The following PELI2 variants were observed in gnomAD, a reference collection of about 807,000 sequenced individuals.
PELI2 encodes pellino E3 ubiquitin protein ligase family member 2.
Under a neutral mutation model 42.3 loss-of-function variants are expected in PELI2, and 23 were observed. The ratio of observed to expected loss-of-function variants is 0.54; its 90% CI spans 0.39 to 0.77. PELI2 has a LOEUF of 0.77. PELI2 is among the 30% of genes least tolerant of loss of function. PELI2 has a pLI of 0.00. For synonymous variants in PELI2, 245 were observed against 212.2 expected (o/e 1.15, Z -1.34); for missense variants, 463 against 553.2 (o/e 0.84, Z 1.64).
At chr14:56,275,132 T>C in intron 2 of PELI2, among the ~76,000 whole-genome samples, 1 of 152,142 alleles carries the variant, frequency 6.6e-6, no homozygotes, top group Non-Finnish European at 1.5e-5. Context: ...CTGTTGATGC[T>C]GGGGTGGAAA....
chr14:56,233,123 G>C (rs1349383988), intron 2 of PELI2, among the ~76,000 whole-genome samples: 2 of 152,112 alleles, frequency 1.3e-5, no homozygotes, highest in Non-Finnish European at 2.9e-5. Flanking sequence ...ACAAATGGAA[G>C]AACATTCCAT....
chr14:56,217,978 C>T (rs530160104), intron 2 of PELI2, among the ~76,000 whole-genome samples: 47 of 152,334 alleles, frequency 3.1e-4, no homozygotes, highest in African/African-American at 1.1e-3. Flanking sequence ...CATAGGACCT[C>T]CTGTAATTCC....
In PELI2 at chr14:56,194,242, T is replaced by G. The variant is rs114715942; in HGVS notation, c.207+15778T>G. Among the ~76,000 whole-genome samples, 960 of 152,298 alleles carry G rather than the reference T, an allele frequency of 6.3e-3. 9 individuals are homozygous for G. The highest frequency in any genetic ancestry group is 0.022 in the African/African-American group (928 of 41,558). On this transcript the variant is annotated intron_variant, in intron 2 of 5. Transcript: ENST00000267460. ...CCTGGCATGTGTCTGCCTCTCTCCC[T>G]GCAGGCTCAGGTGCCCCTGTTCCTG...
intron 3 of PELI2, among the ~76,000 whole-genome samples, chr14:56,285,365 T>C (rs1385770227): frequency 2.6e-5 from 4 of 152,178 alleles, no homozygotes; most frequent in African/African-American, 4.8e-5. Context: ...GTCATTGATA[T>C]AGGGAAGCCC....
At chr14:56,212,313 T>C (rs1384668449) in intron 2 of PELI2, among the ~76,000 whole-genome samples, 1 of 152,218 alleles carries the variant, frequency 6.6e-6, no homozygotes, top group Non-Finnish European at 1.5e-5. Flanking sequence ...GCGCTGTGTT[T>C]TATTTTATTA....
chr14:56,243,279 T>C (rs889624581), intron 2 of PELI2, among the ~76,000 whole-genome samples: 3 of 152,150 alleles, frequency 2.0e-5, no homozygotes, highest in African/African-American at 7.2e-5. Flanking sequence ...GAGTGTGTCT[T>C]TTGAGAGCCT....
intron 2 of PELI2, among the ~76,000 whole-genome samples, chr14:56,277,718 C>G (rs966490586): frequency 1.3e-5 from 2 of 152,016 alleles, no homozygotes; most frequent in African/African-American, 4.8e-5. Context: ...CTTCATGAGA[C>G]AATGACTTCC....
chr14:56,256,240 C>T (rs1021697590), intron 2 of PELI2, among the ~76,000 whole-genome samples: 1 of 151,886 alleles, frequency 6.6e-6, no homozygotes, highest in African/African-American at 2.4e-5. Context: ...CCAGCCTGGA[C>T]AACATAGTGA....
intron 2 of PELI2, among the ~76,000 whole-genome samples, chr14:56,204,105 C>T (rs1386345054): frequency 6.6e-6 from 1 of 152,176 alleles, no homozygotes; most frequent in Non-Finnish European, 1.5e-5. Context: ...CGTTAGAGGG[C>T]TTGTTCAACA....
rs1174222591 is a variant in PELI2, at chr14:56,197,930, C to T, written c.207+19466C>T. Among the ~76,000 whole-genome samples, 1 of 147,568 alleles carries T rather than the reference C, an allele frequency of 6.8e-6. No individual in the cohort carries two copies. The highest frequency in any genetic ancestry group is 2.6e-5 in the African/African-American group (1 of 39,122). On this transcript the variant is annotated intron_variant, in intron 2 of 5. Transcript: ENST00000267460. This position sits in a 1 kb window ranked among gnomAD's most constrained non-coding sequence, Gnocchi z 4.9. ...TGACTGGTGAAGACACACACACACA[C>T]ACACACACACACACACACCAGGGAT...
chr14:56,230,257 A>G (rs1170659569), intron 2 of PELI2, among the ~76,000 whole-genome samples: 1 of 152,192 alleles, frequency 6.6e-6, no homozygotes, highest in Non-Finnish European at 1.5e-5. Flanking sequence ...GAATGCCACA[A>G]AGATACTCCT....
chr14:56,118,541 C>T lies in PELI2; in HGVS notation c.-120C>T, dbSNP rs1409966966. 5 of 545,938 alleles carry T rather than the reference C, an allele frequency of 9.2e-6. No individual in the cohort carries two copies. The highest frequency in any genetic ancestry group is 1.4e-5 in the Non-Finnish European group (5 of 359,662). 33.8% of individuals were successfully genotyped at this position (545,938 alleles called of 1,614,324 possible). On this transcript the variant is annotated 5_prime_UTR_variant, in exon 1 of 6. Coordinates refer to ENST00000267460, the MANE Select transcript of PELI2 (RefSeq NM_021255.3). ...GCCCCGCGCCCCCTTCGCCGCCGTG[C>T]CCTTCCCCGGCGCGCTCACCCCGTT...
At chr14:56,241,148 C>T (rs1369141132) in intron 2 of PELI2, among the ~76,000 whole-genome samples, 1 of 152,084 alleles carries the variant, frequency 6.6e-6, no homozygotes, top group Non-Finnish European at 1.5e-5. Context: ...AAAGACCTTA[C>T]AGATAGCAAA....
intron 5 of PELI2, chr14:56,292,611 C>G (rs1889868392): frequency 5.9e-6 from 1 of 168,836 alleles, no homozygotes; most frequent in Non-Finnish European, 1.2e-5. Context: ...CATTGTGGAG[C>G]TAGTGCTGGT....
intron 2 of PELI2, among the ~76,000 whole-genome samples, chr14:56,224,397 G>A (rs1329840081): frequency 6.6e-6 from 1 of 152,138 alleles, no homozygotes; most frequent in East Asian, 1.9e-4. Context: ...TTAATAAGTT[G>A]GAATCTTCTC....
intron 1 of PELI2, 26 bp from the exon 2 acceptor site, chr14:56,178,309 A>C: frequency 6.2e-7 from 1 of 1,612,150 alleles, no homozygotes; most frequent in Non-Finnish European, 8.5e-7. Context: ...CTGCAGATAG[A>C]TGAACTCTTT....
intron 2 of PELI2, among the ~76,000 whole-genome samples, chr14:56,196,531 A>G (rs950637026): frequency 1.3e-5 from 2 of 151,988 alleles, no homozygotes; most frequent in African/African-American, 2.4e-5. Flanking sequence ...AAAATCTGCA[A>G]CCTCTTGCTT....
At chr14:56,248,122 T>C (rs1048958782) in intron 2 of PELI2, among the ~76,000 whole-genome samples, 8 of 152,188 alleles carry the variant, frequency 5.3e-5, no homozygotes, top group Middle Eastern at 3.2e-3. Flanking sequence ...TTAAACTATA[T>C]TTTCAGAATA....
chr14:56,198,010 A>ACACCCACACC (rs1555346658), intron 2 of PELI2, among the ~76,000 whole-genome samples: 163 of 114,698 alleles, frequency 1.4e-3, no homozygotes, highest in African/African-American at 4.6e-3. Flanking sequence ...ACACACACAC[A>ACACCCACACC]CACCCACCTC....
Sources: allele counts gnomAD v4.1 joint callset (sites outside exome capture counted in the v4.1 genomes callset), GRCh38; gene constraint gnomAD v4.1.1; non-coding constraint Gnocchi (gnomAD v3.1); transcripts MANE v1.5; gene names NCBI Gene and HGNC (gene_info 2026-07-23, HGNC 2026-07-21).